Variants in CTNNA3 observed in about 807,000 individuals in gnomAD.
CTNNA3 encodes catenin alpha 3.
In CTNNA3, 76 loss-of-function variants were observed where a neutral mutation model predicts 95.7. That is an observed-to-expected ratio of 0.79 (90% CI 0.66 to 0.96). The LOEUF is 0.96. Ranked by LOEUF, CTNNA3 falls within the 40% of genes least tolerant of loss-of-function variation. The pLI is 0.00. For missense variants in CTNNA3, 1,191 were observed against 1,089.8 expected (o/e 1.09, Z -1.31); for synonymous variants, 431 against 374.4 (o/e 1.15, Z -1.74).
rs899984746 is a variant in CTNNA3, at chr10:67,018,373, C to T, written c.1047+161944G>A. Among the ~76,000 whole-genome samples the T allele has an allele frequency of 3.9e-5, 6 of 152,184 alleles. No homozygotes were observed. The East Asian group carries it at 9.6e-4, about 24-fold the overall frequency. ...ACCCAACTTTTTAAAGGCAACACCC[C>T]TTAAGTCTTATCAGCATATTCAAAT... is the stretch of plus-strand genomic sequence containing the variant. On this transcript the variant is annotated intron_variant, in intron 7 of 17. Transcript: ENST00000433211.
chr10:67,185,362 A>G (rs575073795), intron 6 of CTNNA3, among the ~76,000 whole-genome samples: 6 of 151,978 alleles, frequency 3.9e-5, no homozygotes, highest in South Asian at 4.2e-4. Flanking sequence ...TCTTGACCAC[A>G]TGATCCGCCT....
intron 7 of CTNNA3, among the ~76,000 whole-genome samples, chr10:66,859,243 A>G (rs1843805630): frequency 6.6e-6 from 1 of 152,162 alleles, no homozygotes; most frequent in South Asian, 2.1e-4. Context: ...ACAAAATAGG[A>G]GAAAATTTTC....
intron 16 of CTNNA3, among the ~76,000 whole-genome samples, chr10:65,974,003 T>G (rs2078161381): frequency 6.6e-6 from 1 of 152,128 alleles, no homozygotes; most frequent in African/African-American, 2.4e-5. Context: ...CTCAACATCA[T>G]GAATAATCAT....
At chr10:66,708,962 A>G (rs2132597913) in intron 9 of CTNNA3, among the ~76,000 whole-genome samples, 1 of 152,124 alleles carries the variant, frequency 6.6e-6, no homozygotes, top group African/African-American at 2.4e-5. Flanking sequence ...CATCAACTCC[A>G]GTGAGCTTTT....
At chr10:66,043,662 T>A (rs750886600) in intron 15 of CTNNA3, among the ~76,000 whole-genome samples, 1 of 152,154 alleles carries the variant, frequency 6.6e-6, no homozygotes, top group Non-Finnish European at 1.5e-5. Flanking sequence ...GTGACACTTA[T>A]GTGATATGAC....
At chr10:66,400,537 G>A (rs1290009244) in intron 11 of CTNNA3, among the ~76,000 whole-genome samples, 1 of 152,014 alleles carries the variant, frequency 6.6e-6, no homozygotes, top group Non-Finnish European at 1.5e-5. Flanking sequence ...TAGATATATA[G>A]ATATATACAC....
chr10:67,664,504 A>T (rs1564818201), intron 1 of CTNNA3, among the ~76,000 whole-genome samples: 2 of 152,188 alleles, frequency 1.3e-5, no homozygotes, highest in Middle Eastern at 3.4e-3. Flanking sequence ...GATTTCTGAA[A>T]CCCTATATTT....
At chr10:67,393,325 TTAAC>T (rs140287608) in intron 5 of CTNNA3, among the ~76,000 whole-genome samples, 4,090 of 152,252 alleles carry the variant, frequency 0.027, 106 homozygotes, top group South Asian at 0.1. Flanking sequence ...GCTCATGAAA[TTAAC>T]TAATCTTGCC....
In CTNNA3 at chr10:67,200,637, G is replaced by A. The variant is rs149726465; in HGVS notation, c.843+18970C>T. Among the ~76,000 whole-genome samples, 757 of 152,196 alleles carry A rather than the reference G, an allele frequency of 5.0e-3. 6 individuals are homozygous for A. The highest frequency in any genetic ancestry group is 0.017 in the African/African-American group (706 of 41,530). On this transcript the variant is annotated intron_variant, in intron 6 of 17. Transcript: ENST00000433211. ...TCAAAATTCTTTAATGCCTTCCCAT[G>A]CTCAAGCCATGACCTGCAAAGATGC...
At chr10:66,658,516 G>C (rs1022793546) in intron 9 of CTNNA3, among the ~76,000 whole-genome samples, 2 of 152,114 alleles carry the variant, frequency 1.3e-5, no homozygotes, top group African/African-American at 4.8e-5. Flanking sequence ...TAAGAGAGGA[G>C]GTCAATGTTC....
chr10:66,632,547 C>T (rs1037598323), intron 9 of CTNNA3, among the ~76,000 whole-genome samples: 2 of 109,608 alleles, frequency 1.8e-5, no homozygotes, highest in Non-Finnish European at 3.6e-5. Flanking sequence ...AAGAATGAAA[C>T]TCCATCTCAA....
intron 13 of CTNNA3, among the ~76,000 whole-genome samples, chr10:66,137,924 T>G (rs926698735): frequency 6.6e-6 from 1 of 152,086 alleles, no homozygotes; most frequent in African/African-American, 2.4e-5. Flanking sequence ...TACTCCAGCA[T>G]GGGCAACAGA....
rs543212697 is a variant in CTNNA3, at chr10:66,133,122, A to C, written c.1885-29873T>G. ...AATAGAAAGGCACCCCATGATCTAC[A>C]AATAAACATCACAAATATGTAAATT... On this transcript the variant is annotated intron_variant, in intron 13 of 17. Transcript: ENST00000433211. Among the ~76,000 whole-genome samples, 9 of 152,344 alleles carry C rather than the reference A, an allele frequency of 5.9e-5. No homozygotes were observed. In the South Asian group the frequency reaches 1.9e-3, roughly 32 times the overall value.
chr10:65,990,025 A>C (rs1334029539), intron 15 of CTNNA3, among the ~76,000 whole-genome samples: 2 of 147,844 alleles, frequency 1.4e-5, no homozygotes, highest in African/African-American at 5.0e-5. Context: ...AGTTGCTGTA[A>C]ATGTTAGGAT....
At chr10:67,068,432 C>T (rs756430818) in intron 7 of CTNNA3, among the ~76,000 whole-genome samples, 3 of 152,124 alleles carry the variant, frequency 2.0e-5, no homozygotes, top group Admixed American at 6.5e-5. Context: ...TAGTTGAATA[C>T]GTAAGACTAG....
chr10:66,688,074 T>C (rs1847368707), intron 9 of CTNNA3, among the ~76,000 whole-genome samples: 2 of 152,188 alleles, frequency 1.3e-5, no homozygotes, highest in South Asian at 4.1e-4. Flanking sequence ...AGTAAAAATA[T>C]ATAAAATCTA....
intron 7 of CTNNA3, among the ~76,000 whole-genome samples, chr10:67,081,752 C>G (rs750797760): frequency 1.3e-5 from 2 of 152,176 alleles, no homozygotes; most frequent in Non-Finnish European, 2.9e-5. Context: ...AGTCTTCCTA[C>G]TTTTCTCTGA....
intron 5 of CTNNA3, among the ~76,000 whole-genome samples, chr10:67,507,801 C>A (rs1423950253): frequency 6.6e-6 from 1 of 152,096 alleles, no homozygotes; most frequent in East Asian, 1.9e-4. Context: ...ATTCCTGATG[C>A]ACAAACATGC....
In CTNNA3 at chr10:67,040,114, GACA is replaced by G. The variant is rs529175644; in HGVS notation, c.1047+140200_1047+140202del. ...CAATCATTCTAGCAGTATTTGCTAT[GACA>G]ACATCATTCAGCCCCAACTTATGCC... On this transcript the variant is annotated intron_variant, in intron 7 of 17. Transcript: ENST00000433211. Among the ~76,000 whole-genome samples the G allele has an allele frequency of 1.2e-4, 18 of 152,150 alleles. No individual in the cohort carries two copies. In the East Asian group the frequency reaches 3.3e-3, roughly 28 times the overall value.
Sources: gnomAD v4.1 joint callset for allele counts (sites outside exome capture counted in the v4.1 genomes callset) on GRCh38, gnomAD v4.1.1 for gene constraint, MANE v1.5 for transcripts, NCBI Gene and HGNC (gene_info 2026-07-23, HGNC 2026-07-21) for gene names.